The following FOCAD variants were observed in gnomAD, a reference collection of about 807,000 sequenced individuals.
FOCAD encodes KIAA1797.
Under a neutral mutation model 225.6 loss-of-function variants are expected in FOCAD, and 198 were observed. The observed-to-expected ratio is 0.88, with a 90% CI of 0.78 to 0.99. The LOEUF is 0.99. FOCAD is among the 50% of genes least tolerant of loss of function. The pLI is 0.00. For synonymous variants in FOCAD, 897 were observed against 755.0 expected, an observed-to-expected ratio of 1.19 and a Z score of -3.08; for missense variants, 2,713 against 2,123.6, an observed-to-expected ratio of 1.28 and a Z score of -5.46.
intron 2 of FOCAD, among the ~76,000 whole-genome samples, chr9:20,670,574 G>GTGAGAATGCATTCATTATCA (rs1822033866): frequency 6.6e-6 from 1 of 152,000 alleles, no homozygotes. Context: ...ATTCATTATC[G>GTGAGAATGCATTCATTATCA]CGAGAACAGC....
intron 11 of FOCAD, among the ~76,000 whole-genome samples, chr9:20,798,774 T>A (rs1821434704): frequency 1.3e-5 from 2 of 152,152 alleles, no homozygotes; most frequent in South Asian, 4.1e-4. Flanking sequence ...GTCTATCAGT[T>A]TTGTTGATCT....
At chr9:20,757,309 A>G (rs1490432263) in intron 5 of FOCAD, among the ~76,000 whole-genome samples, 1 of 152,256 alleles carries the variant, frequency 6.6e-6, no homozygotes, top group Non-Finnish European at 1.5e-5. Context: ...TAATAGTTTA[A>G]AAAGCTGACC....
At chr9:20,800,681 C>A (rs906267271) in intron 11 of FOCAD, among the ~76,000 whole-genome samples, 1 of 152,058 alleles carries the variant, frequency 6.6e-6, no homozygotes, top group African/African-American at 2.4e-5. Context: ...GTTCTCGTGC[C>A]GTGGTTTTCA....
chr9:20,988,486 T>A, intron 41 of FOCAD, 57 bp downstream of exon 41: 1 of 944,126 alleles, frequency 1.1e-6, no homozygotes, highest in Non-Finnish European at 1.5e-6. Context: ...TATATTAGGT[T>A]GGTGCAAAAG....
At chr9:20,906,062 G>A (rs970065143) in intron 21 of FOCAD, among the ~76,000 whole-genome samples, 7 of 151,686 alleles carry the variant, frequency 4.6e-5, no homozygotes, top group Admixed American at 4.6e-4. Flanking sequence ...TCACTAGGTG[G>A]AAAAGTCTCT....
intron 11 of FOCAD, among the ~76,000 whole-genome samples, chr9:20,803,289 A>C (rs1822041576): frequency 6.6e-6 from 1 of 152,026 alleles, no homozygotes; most frequent in South Asian, 2.1e-4. Flanking sequence ...AAGCCTAGTG[A>C]CTGGGACTTC....
intron 15 of FOCAD, among the ~76,000 whole-genome samples, chr9:20,836,019 C>G (rs1021925447): frequency 1.3e-5 from 2 of 152,060 alleles, no homozygotes; most frequent in African/African-American, 4.8e-5. Flanking sequence ...TTTGGCTATT[C>G]TATCCCCTTT....
chr9:20,922,693 G>C (rs1012615943), intron 24 of FOCAD, among the ~76,000 whole-genome samples: 1 of 152,168 alleles, frequency 6.6e-6, no homozygotes, highest in African/African-American at 2.4e-5. Context: ...ACTGAATTCA[G>C]ATTCGGGTTT....
intron 11 of FOCAD, among the ~76,000 whole-genome samples, chr9:20,814,069 G>C (rs771614406): frequency 2.0e-5 from 3 of 152,104 alleles, no homozygotes; most frequent in Non-Finnish European, 4.4e-5. Flanking sequence ...CTTTCAGCCT[G>C]TGTGTGTCCT....
intron 11 of FOCAD, among the ~76,000 whole-genome samples, chr9:20,796,754 A>G (rs1476148474): frequency 6.6e-6 from 1 of 152,016 alleles, no homozygotes; most frequent in Non-Finnish European, 1.5e-5. Context: ...TTTTTCTCCC[A>G]TTCTGTAGGT....
intron 14 of FOCAD, among the ~76,000 whole-genome samples, chr9:20,821,739 G>A (rs1824345108): frequency 6.6e-6 from 1 of 151,872 alleles, no homozygotes. Context: ...TGAAACTGTA[G>A]TCCTGCAGTT....
chr9:20,721,891 C>CT (rs1445019903), intron 4 of FOCAD, among the ~76,000 whole-genome samples: 5 of 512 alleles, frequency 9.8e-3, no homozygotes, highest in East Asian at 0.083. Flanking sequence ...TCCCCTTCCT[C>CT]CCCCTCCCCT....
At chr9:20,865,483 A>C (rs1829145355) in intron 16 of FOCAD, among the ~76,000 whole-genome samples, 2 of 151,952 alleles carry the variant, frequency 1.3e-5, no homozygotes, top group African/African-American at 4.8e-5. Flanking sequence ...TCTGTGGTTT[A>C]GGTCTTTGAA....
intron 2 of FOCAD, among the ~76,000 whole-genome samples, chr9:20,716,848 A>C (rs1030782612): frequency 1.3e-5 from 2 of 152,178 alleles, no homozygotes; most frequent in African/African-American, 4.8e-5. Flanking sequence ...AGTCTAAAAG[A>C]ACTCTTGTGT....
intron 15 of FOCAD, among the ~76,000 whole-genome samples, chr9:20,834,413 A>T (rs1005883583): frequency 2.6e-5 from 4 of 152,206 alleles, no homozygotes; most frequent in African/African-American, 9.6e-5. Context: ...TTACGTAGCA[A>T]ACCTGTACAT....
chr9:20,976,427 A>G lies in FOCAD; in HGVS notation c.4140A>G (p.Glu1380=). ...TTTCACTGTCTGTTATAGGTCCTGAATCTGTGCCTCCTTCCCTTCTTAAAG... is the reference window on the plus strand; with the variant it reads ...TTTCACTGTCTGTTATAGGTCCTGAGTCTGTGCCTCCTTCCCTTCTTAAAG... ...FFITGGKKGP[E]SVPPSLLKVV... is the part of the protein sequence containing the mutation. The change falls in exon 36 of 44, where the codon GAA becomes GAG. Residue 1380 remains glutamate, a synonymous_variant. Coordinates refer to ENST00000338382, the MANE Select transcript of FOCAD (RefSeq NM_001375567.1). 1 of 1,612,980 alleles carries G rather than the reference A, an allele frequency of 6.2e-7. No homozygotes were observed.
At chr9:20,782,751 A>G (rs1177427804) in intron 10 of FOCAD, among the ~76,000 whole-genome samples, 1 of 152,200 alleles carries the variant, frequency 6.6e-6, no homozygotes, top group African/African-American at 2.4e-5. Flanking sequence ...AACTGGAGTG[A>G]TGGTTGTGGC....
rs532911987 is a variant in FOCAD, at chr9:20,884,987, C to T, written c.2504-122C>T. On this transcript the variant is annotated intron_variant, in intron 20 of 43. Coordinates refer to ENST00000338382, the MANE Select transcript of FOCAD (RefSeq NM_001375567.1). The stretch of plus-strand genomic sequence containing the variant: ...GGCAGAAGAATCCCTTGAACCCAGG[C>T]GGCGGAGGTTGCAGTGAGCTGAGAT... 73 of 370,136 alleles carry T rather than the reference C, an allele frequency of 2.0e-4. No homozygotes were observed. In the South Asian group the frequency reaches 2.8e-3, roughly 14 times the overall value. The allele number at this position is 370,136 out of a possible 1,614,324, so 22.9% of individuals were successfully genotyped here.
intron 35 of FOCAD, among the ~76,000 whole-genome samples, chr9:20,962,117 T>C (rs535637135): frequency 6.6e-6 from 1 of 152,254 alleles, no homozygotes; most frequent in African/African-American, 2.4e-5. Context: ...ATTTAAATAT[T>C]CTTTCCTTGG....
Sources: allele counts gnomAD v4.1 joint callset (sites outside exome capture counted in the v4.1 genomes callset), GRCh38; gene constraint gnomAD v4.1.1; transcripts MANE v1.5; gene names NCBI Gene and HGNC (gene_info 2026-07-23, HGNC 2026-07-21).